GRIA3: variants seen among roughly 807,000 people sequenced by gnomAD.
GRIA3 encodes the protein glutamate receptor 3.
In GRIA3, 3 loss-of-function variants were observed where a neutral mutation model predicts 63.0. That is an observed-to-expected ratio of 0.05 (90% CI 0.02 to 0.12). The LOEUF is 0.12. GRIA3 is among the 10% of genes least tolerant of loss of function. The pLI is 1.00. For missense variants in GRIA3, 347 were observed against 700.9 expected, an observed-to-expected ratio of 0.50 and a Z score of 5.70; for synonymous variants, 274 against 257.9, an observed-to-expected ratio of 1.06 and a Z score of -0.60.
At chrX:123,246,225 A>G (rs2044358557) in intron 2 of GRIA3, among the ~76,000 whole-genome samples, 1 of 112,226 alleles carries the variant, frequency 8.9e-6, no homozygotes. Flanking sequence ...TTGCTATGTT[A>G]AATGTATTAG....
At chrX:123,366,614 A>G (rs2045211902) in intron 5 of GRIA3, among the ~76,000 whole-genome samples, 1 of 112,107 alleles carries the variant, frequency 8.9e-6, no homozygotes, top group African/African-American at 3.2e-5. Flanking sequence ...ACAGCAATAT[A>G]TTCCACAACA....
intron 2 of GRIA3, among the ~76,000 whole-genome samples, chrX:123,205,782 G>A (rs1927871164): frequency 8.9e-6 from 1 of 111,917 alleles, no homozygotes; most frequent in African/African-American, 3.2e-5. Flanking sequence ...TATACTGTGG[G>A]GAAGGGGTGA....
intron 2 of GRIA3, among the ~76,000 whole-genome samples, 195 bp from the exon 3 acceptor site, chrX:123,253,108 A>G (rs1321523986): frequency 9.0e-6 from 1 of 111,288 alleles, no homozygotes; most frequent in Non-Finnish European, 1.9e-5. Flanking sequence ...TTGTGCACAT[A>G]GAGAATGTGT....
intron 2 of GRIA3, among the ~76,000 whole-genome samples, chrX:123,202,339 G>C (rs1174935491): frequency 8.9e-6 from 1 of 112,319 alleles, no homozygotes; most frequent in Non-Finnish European, 1.9e-5. Flanking sequence ...ATTTTCAAAA[G>C]AAACAAGAAA....
chrX:123,416,035 C>G (rs1266356261), intron 10 of GRIA3, among the ~76,000 whole-genome samples: 3 of 111,855 alleles, frequency 2.7e-5, no homozygotes, highest in African/African-American at 9.7e-5. Context: ...CCCAGCCTCT[C>G]TGTGCTTTAG....
rs149926728 is a variant in GRIA3 at position 123,212,762 on chromosome X, T to C, written c.268+26772T>C. On this transcript the variant is annotated intron_variant, in intron 2 of 15. Coordinates refer to ENST00000620443, the MANE Select transcript of GRIA3 (RefSeq NM_007325.5). Reference sequence around the variant, plus strand: ...AAATGATGGGTAATAATATCAGAAATAATAGCAAATGCTAGGCATTTGCTA... The same window carrying C: ...AAATGATGGGTAATAATATCAGAAACAATAGCAAATGCTAGGCATTTGCTA... Among the ~76,000 whole-genome samples the C allele has an allele frequency of 2.4e-3, 274 of 112,317 alleles. 2 individuals are homozygous for C. The highest frequency in any genetic ancestry group is 8.1e-3 in the African/African-American group (251 of 30,948).
At chrX:123,453,489 A>T (rs771049848) in intron 12 of GRIA3, among the ~76,000 whole-genome samples, 26 of 111,448 alleles carry the variant, frequency 2.3e-4, no homozygotes, top group African/African-American at 7.5e-4. Flanking sequence ...ATGTATACAT[A>T]TGTAACAAAC....
intron 5 of GRIA3, among the ~76,000 whole-genome samples, chrX:123,372,800 A>C: frequency 9.0e-6 from 1 of 111,484 alleles, no homozygotes; most frequent in Non-Finnish European, 1.9e-5. Context: ...CAAATATAAG[A>C]TCATATCATC....
intron 2 of GRIA3, among the ~76,000 whole-genome samples, chrX:123,191,596 G>A (rs189715577): frequency 9.9e-5 from 11 of 111,323 alleles, no homozygotes; most frequent in East Asian, 2.8e-4. Flanking sequence ...CGTCCAGCTC[G>A]TCTAACTCCC....
At chrX:123,423,759 T>A (rs1284494162) in intron 11 of GRIA3, among the ~76,000 whole-genome samples, 1 of 112,358 alleles carries the variant, frequency 8.9e-6, no homozygotes, top group Non-Finnish European at 1.9e-5. Context: ...GCTCTTCATC[T>A]TGTAAAGCTA....
At position 123,367,745 on chromosome X, in the gene GRIA3, G is replaced by GTTGT. The variant is rs776113997; in HGVS notation, c.750+12801_750+12804dup. 1.3e-4 allele frequency among the ~76,000 whole-genome samples: 15 copies of GTTGT among 111,388 alleles called. No homozygotes were observed. In the East Asian group the frequency reaches 1.7e-3, roughly 13 times the overall value. Reference sequence around the variant, plus strand: ...AGCCACCGTGTCCAGCCTTCTGGATGTTGTTTGTTTGTTTGTTTGTTTTTT... The same window carrying GTTGT: ...AGCCACCGTGTCCAGCCTTCTGGATGTTGTTTGTTTGTTTGTTTGTTTGTTTTTT... On this transcript the variant is annotated intron_variant, in intron 5 of 15. Coordinates refer to ENST00000620443, the MANE Select transcript of GRIA3 (RefSeq NM_007325.5).
At position 123,324,523 on chromosome X, in the gene GRIA3, C is replaced by T. The variant is rs1020036672; in HGVS notation, c.509-1503C>T. On this transcript the variant is annotated intron_variant, in intron 3 of 15. Coordinates refer to ENST00000620443, the MANE Select transcript of GRIA3 (RefSeq NM_007325.5). ...AATCCCATGCCTTGGCCTACCATGT[C>T]CCCTCAACTCCCACTGAAGCAGAGA... 3.6e-5 allele frequency among the ~76,000 whole-genome samples: 4 copies of T among 111,820 alleles called. No individual in the cohort carries two copies. In the Admixed American group the frequency reaches 3.8e-4, roughly 11 times the overall value.
Position 123,405,560 on chromosome X carries a change from C to A in GRIA3, c.1500+646C>A, listed in dbSNP as rs751175102. 9.0e-5 allele frequency among the ~76,000 whole-genome samples: 10 copies of A among 111,683 alleles called. No homozygotes were observed. In the South Asian group the frequency reaches 2.7e-3, roughly 30 times the overall value. ...ACCCGCCTACCTCTCTAGCTTCATCCTGTACTCTTTCCCCCTCACACCCAA... is the reference window on the plus strand; with the variant it reads ...ACCCGCCTACCTCTCTAGCTTCATCATGTACTCTTTCCCCCTCACACCCAA... On this transcript the variant is annotated intron_variant, in intron 10 of 15. Transcript: ENST00000620443.
intron 13 of GRIA3, among the ~76,000 whole-genome samples, chrX:123,472,094 CTA>C: frequency 1.1e-5 from 1 of 89,200 alleles, no homozygotes; most frequent in Admixed American, 1.3e-4. Context: ...AGAATGTATG[CTA>C]ATAGAGGGTG....
intron 2 of GRIA3, among the ~76,000 whole-genome samples, chrX:123,235,025 TA>T (rs377127363): frequency 7.4e-5 from 8 of 108,278 alleles, no homozygotes; most frequent in African/African-American, 2.0e-4. Context: ...TTGGAAGCAA[TA>T]AAAAAAAAGA....
intron 5 of GRIA3, among the ~76,000 whole-genome samples, chrX:123,373,697 G>T (rs184070549): frequency 0.011 from 1,196 of 111,587 alleles, 19 homozygotes; most frequent in African/African-American, 0.037. Flanking sequence ...TTTTTGATGG[G>T]GTTGTTTGGT....
chrX:123,428,650 A>G, intron 12 of GRIA3, among the ~76,000 whole-genome samples: 1 of 112,059 alleles, frequency 8.9e-6, no homozygotes, highest in East Asian at 2.8e-4. Context: ...TGTATCAAGT[A>G]TTTGTGTACA....
At chrX:123,394,290 G>A (rs762135198) in intron 5 of GRIA3, among the ~76,000 whole-genome samples, 2 of 110,790 alleles carry the variant, frequency 1.8e-5, no homozygotes, top group African/African-American at 6.6e-5. Flanking sequence ...TGAACCCGGG[G>A]GGTGGTGTGG....
At chrX:123,416,038 T>C (rs1358781024) in intron 10 of GRIA3, among the ~76,000 whole-genome samples, 1 of 111,905 alleles carries the variant, frequency 8.9e-6, no homozygotes, top group Non-Finnish European at 1.9e-5. Context: ...AGCCTCTCTG[T>C]GCTTTAGTTT....
Sources: gnomAD v4.1 joint callset for allele counts (sites outside exome capture counted in the v4.1 genomes callset) on GRCh38, gnomAD v4.1.1 for gene constraint, MANE v1.5 for transcripts, NCBI Gene and HGNC (gene_info 2026-07-23, HGNC 2026-07-21) for gene names.